SLC36A1: variants seen among roughly 807,000 people sequenced by gnomAD.
SLC36A1 encodes proton-coupled amino acid transporter 1.
In SLC36A1, 30 loss-of-function variants were observed where a neutral mutation model predicts 47.5. The observed-to-expected ratio is 0.63, with a 90% CI of 0.47 to 0.86. The LOEUF (loss-of-function observed/expected upper bound fraction) is 0.86. Among genes scored for constraint, SLC36A1 ranks in the 40% least tolerant of loss-of-function variants. SLC36A1 has a pLI of 0.00. For synonymous variants in SLC36A1, 255 were observed against 249.7 expected (o/e 1.02, Z -0.20); for missense variants, 517 against 606.0 (o/e 0.85, Z 1.54).
At position 151,488,137 on chromosome 5, in the gene SLC36A1, C is replaced by T. The variant is rs1759811618; in HGVS notation, c.1314C>T (p.Ala438=). 6.2e-7 allele frequency: 1 copy of T among 1,614,192 alleles called. No individual in the cohort carries two copies. The change falls in exon 11 of 11, where the codon GCC becomes GCT. Residue 438 remains alanine (A), a synonymous_variant. Transcript: ENST00000243389. Reference sequence around the variant, plus strand: ...GCCCCCTCACCATCTTTAAGGACGCCCTGATCAGCATCCTGGGCTTCGTGG... The same window carrying T: ...GCCCCCTCACCATCTTTAAGGACGCTCTGATCAGCATCCTGGGCTTCGTGG... The part of the protein sequence containing the change: ...GMSPLTIFKD[A]LISILGFVGF...
At chr5:151,374,305 G>A in the SLC36A1 span, among the ~76,000 whole-genome samples, 1 of 152,144 alleles carries the variant, frequency 6.6e-6, no homozygotes, top group Non-Finnish European at 1.5e-5. Flanking sequence ...GCCATTTTAG[G>A]CCTCAGGCCG....
chr5:151,367,755 A>G, the SLC36A1 span, among the ~76,000 whole-genome samples: 4 of 152,218 alleles, frequency 2.6e-5, no homozygotes, highest in African/African-American at 9.6e-5. Flanking sequence ...GTCCATAATA[A>G]GATGAAGTTG....
chr5:151,509,940 C>A, the SLC36A1 span: 1 of 1,507,466 alleles, frequency 6.6e-7, no homozygotes, highest in Non-Finnish European at 9.1e-7. Flanking sequence ...CCCTGGCCTC[C>A]CATTGGACTT....
the SLC36A1 span, among the ~76,000 whole-genome samples, chr5:151,552,429 C>A: frequency 1.3e-4 from 20 of 152,316 alleles, no homozygotes; most frequent in African/African-American, 4.6e-4. Context: ...ATATCCTATC[C>A]TACTCTTAGC....
At chr5:151,367,374 T>TTTTTTTTTTTTTC in the SLC36A1 span, among the ~76,000 whole-genome samples, 444 of 145,506 alleles carry the variant, frequency 3.1e-3, 8 homozygotes, top group African/African-American at 0.011. Context: ...TTTTTTTTTT[T>TTTTTTTTTTTTTC]CCCCAGGGTA....
the SLC36A1 span, among the ~76,000 whole-genome samples, chr5:151,422,580 T>C: frequency 6.6e-6 from 1 of 151,970 alleles, no homozygotes; most frequent in Admixed American, 6.6e-5. Flanking sequence ...TTTAAAAAAT[T>C]AGCTGGGCAT....
At chr5:151,543,714 A>C in the SLC36A1 span, 1 of 1,614,182 alleles carries the variant, frequency 6.2e-7, no homozygotes, top group Non-Finnish European at 8.5e-7. Context: ...TGGCATTTGT[A>C]GTGTTGATGT....
At chr5:151,536,455 G>A in the SLC36A1 span, among the ~76,000 whole-genome samples, 1 of 152,094 alleles carries the variant, frequency 6.6e-6, no homozygotes, top group Non-Finnish European at 1.5e-5. Flanking sequence ...CAAGCCAAAT[G>A]TCAGCAGCTG....
chr5:151,432,082 T>A (rs1759384225), upstream of SLC36A1, among the ~76,000 whole-genome samples: 2 of 152,204 alleles, frequency 1.3e-5, no homozygotes. Flanking sequence ...TCTCTTCTTT[T>A]CTTTCTTTTT....
At chr5:151,507,135 C>T in the SLC36A1 span, 18 of 1,527,704 alleles carry the variant, frequency 1.2e-5, no homozygotes, top group Admixed American at 1.0e-4. Flanking sequence ...AGAGGCTAAG[C>T]GTCTCTGGCT....
upstream of SLC36A1, among the ~76,000 whole-genome samples, chr5:151,436,038 G>A (rs1759755980): frequency 1.3e-5 from 2 of 151,858 alleles, no homozygotes; most frequent in Admixed American, 6.6e-5. Context: ...TGTTTATTGA[G>A]CACCTACTAT....
At chr5:151,466,843 C>T (rs925754557) in intron 5 of SLC36A1, among the ~76,000 whole-genome samples, 8 of 152,098 alleles carry the variant, frequency 5.3e-5, no homozygotes, top group Admixed American at 1.3e-4. Context: ...AAGGGGACGT[C>T]GGAAACCACA....
the SLC36A1 span, chr5:151,380,840 C>T: frequency 2.2e-6 from 1 of 464,560 alleles, no homozygotes; most frequent in Non-Finnish European, 4.3e-6. Context: ...AGACCCACTG[C>T]CTCCAGGACA....
intron 1 of SLC36A1, among the ~76,000 whole-genome samples, chr5:151,453,984 A>G (rs563478738): frequency 1.5e-4 from 23 of 152,092 alleles, no homozygotes; most frequent in African/African-American, 4.8e-4. Context: ...TAAAAATGGC[A>G]TATTTTGTAG....
the SLC36A1 span, among the ~76,000 whole-genome samples, chr5:151,421,102 TGA>T: frequency 0.17 from 25,034 of 151,200 alleles, 2,318 homozygotes; most frequent in East Asian, 0.37. Flanking sequence ...CTCGATCTCC[TGA>T]CCTCGTGATC....
the SLC36A1 span, among the ~76,000 whole-genome samples, chr5:151,418,517 T>C: frequency 6.6e-6 from 1 of 152,140 alleles, no homozygotes; most frequent in Non-Finnish European, 1.5e-5. Context: ...TTTCAGAGCT[T>C]TAAGGTTTGA....
the SLC36A1 span, among the ~76,000 whole-genome samples, chr5:151,540,013 A>C: frequency 3.0e-4 from 46 of 152,356 alleles, no homozygotes; most frequent in Non-Finnish European, 5.6e-4. Context: ...GTCTGGGGTC[A>C]GGTCTCTGTT....
chr5:151,471,560 A>C (rs750723303), intron 7 of SLC36A1, among the ~76,000 whole-genome samples: 1 of 152,232 alleles, frequency 6.6e-6, no homozygotes, highest in Non-Finnish European at 1.5e-5. Context: ...TTTGTGACTC[A>C]GGAATAATTA....
chr5:151,540,419 G>A, the SLC36A1 span: 11 of 502,348 alleles, frequency 2.2e-5, no homozygotes, highest in African/African-American at 1.0e-4. Context: ...CTGTTCTCCT[G>A]CCCCTCAATC....
Sources: gnomAD v4.1 joint callset for allele counts (sites outside exome capture counted in the v4.1 genomes callset) on GRCh38, gnomAD v4.1.1 for gene constraint, MANE v1.5 for transcripts, NCBI Gene and HGNC (gene_info 2026-07-23, HGNC 2026-07-21) for gene names.